DNAJA3: variants seen among roughly 807,000 people sequenced by gnomAD.
DNAJA3 encodes DnaJ heat shock protein family (Hsp40) member A3, also known as dnaJ homolog subfamily A member 3, mitochondrial.
Under a neutral mutation model 54.9 loss-of-function variants are expected in DNAJA3, and 29 were observed. The ratio of observed to expected loss-of-function variants is 0.53; its 90% CI spans 0.39 to 0.72. DNAJA3 has a LOEUF of 0.72. DNAJA3 is among the 30% of genes least tolerant of loss of function. The probability of loss-of-function intolerance (pLI) is 0.00; values close to 1 mark genes in which losing one functional copy is unlikely to be tolerated. For missense variants in DNAJA3, 708 were observed against 639.4 expected, an observed-to-expected ratio of 1.11 and a Z score of -1.16; for synonymous variants, 302 against 251.4, an observed-to-expected ratio of 1.20 and a Z score of -1.90.
chr16:4,435,813 C>T (rs2056766321), intron 2 of DNAJA3, among the ~76,000 whole-genome samples: 1 of 152,184 alleles, frequency 6.6e-6, no homozygotes, highest in Non-Finnish European at 1.5e-5. Flanking sequence ...TTTGTGTAGA[C>T]ATGTTTTCAG....
intron 1 of DNAJA3, chr16:4,427,458 C>A (rs1011422233): frequency 6.6e-6 from 1 of 152,118 alleles, no homozygotes; most frequent in East Asian, 1.9e-4. Flanking sequence ...TTACTTCATG[C>A]AATGTAAAGA....
chr16:4,449,288 G>A (rs745908480), intron 9 of DNAJA3, among the ~76,000 whole-genome samples: 12 of 152,212 alleles, frequency 7.9e-5, no homozygotes, highest in South Asian at 2.1e-4. Flanking sequence ...GAGCCACCAT[G>A]CCCGGCCAGA....
At position 4,448,903 on chromosome 16, in the gene DNAJA3, C is replaced by G. The variant is rs527619475; in HGVS notation, c.1241+55C>G. 11 of 1,362,580 alleles carry G rather than the reference C, an allele frequency of 8.1e-6. No individual in the cohort carries two copies. The East Asian group carries it at 2.1e-4, about 26-fold the overall frequency. The allele number at this position is 1,362,580 out of a possible 1,614,324, so 84.4% of individuals were successfully genotyped here. A position where few individuals can be genotyped will look rare whatever the true frequency, so the allele number is the denominator to read the frequency against. Reference sequence around the variant, plus strand: ...CGCCTGGTCCTGCGGTGGCACTGCCCTTGGAGCTCTGTGGCTTGGGCAGGT... The same window carrying G: ...CGCCTGGTCCTGCGGTGGCACTGCCGTTGGAGCTCTGTGGCTTGGGCAGGT... On this transcript the variant is annotated intron_variant, in intron 9 of 11. Transcript: ENST00000262375.
At chr16:4,441,796 A>G (rs1383353756) in intron 4 of DNAJA3, among the ~76,000 whole-genome samples, 2 of 152,192 alleles carry the variant, frequency 1.3e-5, no homozygotes, top group Non-Finnish European at 2.9e-5. Flanking sequence ...ATAATGAGGT[A>G]GCACCTAAGG....
In DNAJA3 at chr16:4,441,378, T is replaced by C; in HGVS notation, c.433T>C (p.Leu145=). Residue 145 remains leucine, a synonymous_variant, in exon 4 of 12, where the codon TTG becomes CTG. Coordinates refer to ENST00000262375, the MANE Select transcript of DNAJA3 (RefSeq NM_005147.6). ...GTGGCTCTGCCTTTCACTGTAGGTTTTGAGTGATGAGGTGAAGAGGAAGCA... is the reference window on the plus strand; with the variant it reads ...GTGGCTCTGCCTTTCACTGTAGGTTCTGAGTGATGAGGTGAAGAGGAAGCA... ...FSQLAEAYEV[L]SDEVKRKQYD... 1.2e-6 allele frequency: 2 copies of C among 1,611,752 alleles called. No individual in the cohort carries two copies. Among genetic ancestry groups the C allele is most frequent in the Non-Finnish European group, 1.7e-6 (2 of 1,178,928 alleles).
intron 1 of DNAJA3, among the ~76,000 whole-genome samples, chr16:4,432,435 C>G (rs1365232757): frequency 6.6e-6 from 1 of 151,480 alleles, no homozygotes; most frequent in African/African-American, 2.4e-5. Context: ...CTCTGCCCCC[C>G]AGGTTCAAGC....
intron 9 of DNAJA3, 58 bp downstream of exon 9, chr16:4,448,906 G>C: frequency 3.0e-6 from 4 of 1,324,536 alleles, no homozygotes; most frequent in Non-Finnish European, 4.3e-6. Context: ...CACTGCCCTT[G>C]GAGCTCTGTG....
chr16:4,429,296 T>C (rs575338116), intron 1 of DNAJA3, among the ~76,000 whole-genome samples: 12 of 152,148 alleles, frequency 7.9e-5, no homozygotes, highest in Non-Finnish European at 1.6e-4. Flanking sequence ...TGATCTCGGC[T>C]CACCGCATCC....
intron 2 of DNAJA3, 63 bp downstream of exon 2, chr16:4,434,580 A>T: frequency 6.3e-7 from 1 of 1,580,126 alleles, no homozygotes; most frequent in Non-Finnish European, 8.6e-7. Context: ...ATCCCATGTG[A>T]TCCTGATCAG....
intron 7 of DNAJA3, among the ~76,000 whole-genome samples, chr16:4,444,981 A>G (rs2056885820): frequency 6.6e-6 from 1 of 152,192 alleles, no homozygotes; most frequent in African/African-American, 2.4e-5. Context: ...AAAATACAGG[A>G]AACATCTTGT....
chr16:4,432,954 A>G (rs2056725078), intron 1 of DNAJA3, among the ~76,000 whole-genome samples: 1 of 151,852 alleles, frequency 6.6e-6, no homozygotes, highest in African/African-American at 2.4e-5. Context: ...ATCCTGGCTA[A>G]CACGGCGAAA....
intron 8 of DNAJA3, chr16:4,447,329 C>T (rs566322950): frequency 2.1e-5 from 6 of 281,366 alleles, no homozygotes; most frequent in Non-Finnish European, 3.4e-5. Context: ...TGCTTCTGTC[C>T]AGTGTCTGGC....
In DNAJA3 at chr16:4,441,469, A is replaced by G; in HGVS notation, c.524A>G (p.Lys175Arg). ...GASGSQHSYW[K>R]GGPTVDPEEL... ...AGCGGCTCCCAGCATAGCTACTGGAAGGGAGGCCCCACTGTGGACCCCGAG... is the reference window on the plus strand; with the variant it reads ...AGCGGCTCCCAGCATAGCTACTGGAGGGGAGGCCCCACTGTGGACCCCGAG... Residue 175 changes from lysine (K) to arginine (R), a missense_variant, in exon 4 of 12, where the codon AAG (lysine) becomes AGG (arginine). Transcript: ENST00000262375. 1 of 1,614,228 alleles carries G rather than the reference A, an allele frequency of 6.2e-7. No individual in the cohort carries two copies. The highest frequency in any genetic ancestry group is 1.1e-5 in the South Asian group (1 of 91,080).
At chr16:4,427,653 G>A (rs1374009199) in intron 1 of DNAJA3, among the ~76,000 whole-genome samples, 5 of 152,182 alleles carry the variant, frequency 3.3e-5, no homozygotes, top group Non-Finnish European at 7.3e-5. Flanking sequence ...ATGTGTGTTT[G>A]GTTAAGAGAA....
intron 4 of DNAJA3, among the ~76,000 whole-genome samples, chr16:4,441,976 G>C (rs74005323): frequency 8.8e-4 from 134 of 152,300 alleles, no homozygotes; most frequent in African/African-American, 3.2e-3. Context: ...TATGATTGTG[G>C]ATCATTCAGG....
chr16:4,443,846 C>T (rs1297426922), intron 6 of DNAJA3, among the ~76,000 whole-genome samples: 1 of 152,182 alleles, frequency 6.6e-6, no homozygotes, highest in Non-Finnish European at 1.5e-5. Context: ...GCCACCACAC[C>T]CAGCTAATTT....
At chr16:4,429,695 C>T (rs1031398815) in intron 1 of DNAJA3, among the ~76,000 whole-genome samples, 15 of 152,092 alleles carry the variant, frequency 9.9e-5, no homozygotes, top group Non-Finnish European at 1.5e-5. Context: ...TTAGCCAGGC[C>T]TGGTGGCGCA....
intron 3 of DNAJA3, chr16:4,441,029 C>T (rs779025524): frequency 4.4e-5 from 14 of 316,308 alleles, no homozygotes; most frequent in South Asian, 2.7e-4. Flanking sequence ...AAATTCTCTA[C>T]GAGGTAATGT....
chr16:4,448,892 G>C (rs1353334173), intron 9 of DNAJA3, 44 bp downstream of exon 9: 3 of 1,463,784 alleles, frequency 2.0e-6, no homozygotes, highest in South Asian at 2.3e-5. Flanking sequence ...TGGTCCTGCG[G>C]TGGCACTGCC....
Sources: gnomAD v4.1 joint callset for allele counts (sites outside exome capture counted in the v4.1 genomes callset) on GRCh38, gnomAD v4.1.1 for gene constraint, MANE v1.5 for transcripts, NCBI Gene and HGNC (gene_info 2026-07-23, HGNC 2026-07-21) for gene names.